The following SLC39A11 variants were observed in gnomAD, a reference collection of about 807,000 sequenced individuals.
SLC39A11 encodes the protein zinc transporter ZIP11.
SLC39A11 carries 33 observed loss-of-function variants against 36.1 expected under a neutral mutation model. The ratio of observed to expected loss-of-function variants is 0.91; its 90% CI spans 0.69 to 1.22. The LOEUF is 1.22. Among genes scored for constraint, SLC39A11 ranks in the 50% most tolerant of loss-of-function variants. The pLI is 0.00. For synonymous variants in SLC39A11, 166 were observed against 170.3 expected (o/e 0.97, Z 0.20); for missense variants, 432 against 430.3 (o/e 1.00, Z -0.03).
intron 7 of SLC39A11, among the ~76,000 whole-genome samples, chr17:72,717,380 A>T (rs1333995325): frequency 2.6e-5 from 4 of 152,110 alleles, no homozygotes; most frequent in Non-Finnish European, 5.9e-5. Flanking sequence ...GGAGGCCAGA[A>T]GTCCAAGATC....
chr17:72,878,155 T>C (rs2081017441), intron 5 of SLC39A11, among the ~76,000 whole-genome samples: 1 of 152,096 alleles, frequency 6.6e-6, no homozygotes, highest in Non-Finnish European at 1.5e-5. Flanking sequence ...GAACTCATCA[T>C]TTTTTATGGC....
chr17:72,767,442 G>C (rs537791066), intron 6 of SLC39A11, among the ~76,000 whole-genome samples: 1 of 152,346 alleles, frequency 6.6e-6, no homozygotes, highest in South Asian at 2.1e-4. Flanking sequence ...AATAAGCAAA[G>C]CAGTGCCTGC....
chr17:72,681,347 A>G (rs191839406), intron 7 of SLC39A11, among the ~76,000 whole-genome samples: 1 of 152,316 alleles, frequency 6.6e-6, no homozygotes, highest in Admixed American at 6.5e-5. Flanking sequence ...GCTAGAGGCC[A>G]TGTAAGTGAG....
chr17:72,955,670 C>G (rs1182005605), intron 4 of SLC39A11, among the ~76,000 whole-genome samples: 1 of 151,940 alleles, frequency 6.6e-6, no homozygotes, highest in Admixed American at 6.6e-5. Context: ...CTGTGTCTCG[C>G]GGCCCTACTG....
chr17:72,972,041 A>G (rs2087496408), intron 4 of SLC39A11, among the ~76,000 whole-genome samples: 1 of 152,224 alleles, frequency 6.6e-6, no homozygotes, highest in Non-Finnish European at 1.5e-5. Context: ...TCATTATTAA[A>G]CCAAATACTA....
chr17:72,674,835 A>G (rs537958268), intron 7 of SLC39A11, among the ~76,000 whole-genome samples: 18 of 152,232 alleles, frequency 1.2e-4, no homozygotes, highest in African/African-American at 4.3e-4. Flanking sequence ...ATGATTTTTA[A>G]AACGTGTTTT....
chr17:72,665,410 T>TTTTTTTTTTTTTTTTTTA (rs2070706791), intron 7 of SLC39A11, among the ~76,000 whole-genome samples: 1 of 146,292 alleles, frequency 6.8e-6, no homozygotes, highest in Non-Finnish European at 1.5e-5. Context: ...TTTTTTTTTT[T>TTTTTTTTTTTTTTTTTTA]GAGACAGGGT....
chr17:72,889,015 A>T (rs188895583), intron 5 of SLC39A11, among the ~76,000 whole-genome samples: 1 of 152,338 alleles, frequency 6.6e-6, no homozygotes, highest in Admixed American at 6.5e-5. Context: ...CCTCAGACTC[A>T]AGCAAAATTC....
intron 6 of SLC39A11, among the ~76,000 whole-genome samples, chr17:72,827,003 G>T (rs1020771706): frequency 1.3e-5 from 2 of 152,100 alleles, no homozygotes; most frequent in African/African-American, 4.8e-5. Flanking sequence ...ACTAAGTTTA[G>T]ACCCAAGAGA....
rs73349320 is a variant in SLC39A11, at chr17:72,970,205, T to G, written c.307-22330A>C. Among the ~76,000 whole-genome samples, 319 of 152,300 alleles carry G rather than the reference T, an allele frequency of 2.1e-3. 2 individuals carry two copies. Among genetic ancestry groups the G allele is most frequent in the African/African-American group, 7.2e-3 (301 of 41,572 alleles). On this transcript the variant is annotated intron_variant, in intron 4 of 9. Transcript: ENST00000255559. ...ATTTGGTGGAGTTAGAGAAAAGATA[T>G]CAGCAGAATCTGTACACACTCTCTG... is the stretch of plus-strand genomic sequence containing the variant.
intron 7 of SLC39A11, among the ~76,000 whole-genome samples, chr17:72,653,098 C>A (rs559334795): frequency 1.5e-5 from 2 of 137,758 alleles, no homozygotes; most frequent in Non-Finnish European, 3.0e-5. Context: ...TTCTGTTGCA[C>A]GCTTTTTTTT....
chr17:72,858,394 T>C (rs2079773096), intron 5 of SLC39A11, among the ~76,000 whole-genome samples: 1 of 152,256 alleles, frequency 6.6e-6, no homozygotes, highest in East Asian at 1.9e-4. Context: ...TGGTATAGTT[T>C]GAAGTTCGGA....
At chr17:72,866,095 C>T (rs550515078) in intron 5 of SLC39A11, among the ~76,000 whole-genome samples, 2 of 152,264 alleles carry the variant, frequency 1.3e-5, no homozygotes, top group Admixed American at 6.5e-5. Flanking sequence ...AGGGGGTGAG[C>T]GGCAGGCAAG....
At chr17:72,717,205 A>G (rs2073443125) in intron 7 of SLC39A11, among the ~76,000 whole-genome samples, 1 of 151,224 alleles carries the variant, frequency 6.6e-6, no homozygotes, top group East Asian at 1.9e-4. Flanking sequence ...AAGAGGAAAA[A>G]AAAGTGGCCT....
At chr17:72,955,249 C>T (rs138505901) in intron 4 of SLC39A11, among the ~76,000 whole-genome samples, 1 of 151,092 alleles carries the variant, frequency 6.6e-6, no homozygotes, top group East Asian at 1.9e-4. Context: ...AAATGTACTC[C>T]CTTCCATCCT....
At chr17:72,970,762 G>A (rs564487236) in intron 4 of SLC39A11, among the ~76,000 whole-genome samples, 2 of 152,364 alleles carry the variant, frequency 1.3e-5, no homozygotes, top group Admixed American at 1.3e-4. Flanking sequence ...GGTCACCTTG[G>A]GTTTCTAACA....
At position 72,849,810 on chromosome 17, in the gene SLC39A11, C is replaced by CAAAAA; in HGVS notation, c.431-11_431-7dup. The CAAAAA allele has an allele frequency of 7.6e-7, 1 of 1,322,776 alleles. No individual in the cohort carries two copies. Among genetic ancestry groups the CAAAAA allele is most frequent in the Non-Finnish European group, 9.8e-7 (1 of 1,022,194 alleles). The allele number at this position is 1,322,776 out of a possible 1,614,324, so 81.9% of individuals were successfully genotyped here. A position where few individuals can be genotyped will look rare whatever the true frequency, so the allele number is the denominator to read the frequency against. ...CTCACCATTCTCACTCTTGTCTGAGCAAAAAAAAAAAAAAAGAGAGATGGG... is the reference window on the plus strand; with the variant it reads ...CTCACCATTCTCACTCTTGTCTGAGCAAAAAAAAAAAAAAAAAAAAGAGAGATGGG... On this transcript the variant is annotated splice_polypyrimidine_tract_variant and splice_region_variant and intron_variant, in intron 5 of 9. Transcript: ENST00000255559.
Position 72,791,967 on chromosome 17 carries a change from T to A in SLC39A11, c.602-55248A>T, listed in dbSNP as rs372717267. Among the ~76,000 whole-genome samples the A allele has an allele frequency of 5.9e-5, 9 of 152,308 alleles. No homozygotes were observed. In the East Asian group the frequency reaches 1.5e-3, roughly 26 times the overall value. ...TCTCGGGCAGTTCTTTATAGTGGCA[T>A]GAGAATGGATTAACACATGTAGTAT... On this transcript the variant is annotated intron_variant, in intron 6 of 9. Transcript: ENST00000255559.
chr17:72,947,626 C>A, intron 5 of SLC39A11, 126 bp downstream of exon 5: 1 of 1,388,014 alleles, frequency 7.2e-7, no homozygotes, highest in Non-Finnish European at 1.0e-6. Flanking sequence ...GTGAGTGATT[C>A]GGAGGGATAG....
Sources: allele counts gnomAD v4.1 joint callset (sites outside exome capture counted in the v4.1 genomes callset), GRCh38; gene constraint gnomAD v4.1.1; transcripts MANE v1.5; gene names NCBI Gene and HGNC (gene_info 2026-07-23, HGNC 2026-07-21).